Variants in BICD1 observed in about 807,000 individuals in gnomAD.
The protein encoded by BICD1 is BICD cargo adaptor 1, also known as protein bicaudal D homolog 1.
Under a neutral mutation model 92.5 loss-of-function variants are expected in BICD1, and 35 were observed. The ratio of observed to expected loss-of-function variants is 0.38; its 90% CI spans 0.29 to 0.50. The LOEUF is 0.50. Ranked by LOEUF, BICD1 falls within the 20% of genes least tolerant of loss-of-function variation. The pLI, the probability that BICD1 is intolerant of heterozygous loss-of-function variation, is 0.93. For missense variants in BICD1, 950 were observed against 1,189.8 expected, an observed-to-expected ratio of 0.80 and a Z score of 2.97; for synonymous variants, 429 against 465.1, an observed-to-expected ratio of 0.92 and a Z score of 1.00.
At chr12:32,209,780 A>C (rs1338539026) in intron 1 of BICD1, among the ~76,000 whole-genome samples, 1 of 152,132 alleles carries the variant, frequency 6.6e-6, no homozygotes, top group Non-Finnish European at 1.5e-5. Flanking sequence ...CCCAAAGGTC[A>C]CCTCTTCCCT....
chr12:32,358,393 G>A (rs1438693793), intron 8 of BICD1, among the ~76,000 whole-genome samples: 4 of 151,180 alleles, frequency 2.6e-5, no homozygotes, highest in African/African-American at 9.7e-5. Flanking sequence ...GAGCCACTGC[G>A]CCTGGACTCA....
In BICD1 at chr12:32,129,051, C is replaced by T. The variant is rs1309607755; in HGVS notation, c.213+21507C>T. Among the ~76,000 whole-genome samples, 3 of 151,984 alleles carry T rather than the reference C, an allele frequency of 2.0e-5. No homozygotes were observed. The South Asian group carries it at 6.2e-4, about 32-fold the overall frequency. ...CTGCCTCCCAGATTCAAGAGATTCTCCTGCCTCAGCCTCCCGAGTAGCTGG... is the reference window on the plus strand; with the variant it reads ...CTGCCTCCCAGATTCAAGAGATTCTTCTGCCTCAGCCTCCCGAGTAGCTGG... On this transcript the variant is annotated intron_variant, in intron 1 of 9. Coordinates refer to ENST00000652176, the MANE Select transcript of BICD1 (RefSeq NM_001714.4).
intron 2 of BICD1, among the ~76,000 whole-genome samples, chr12:32,289,562 T>C (rs1045740439): frequency 3.9e-5 from 6 of 152,176 alleles, no homozygotes; most frequent in African/African-American, 1.2e-4. Flanking sequence ...ATTTTTGTAT[T>C]CTTAGTAGAG....
intron 2 of BICD1, among the ~76,000 whole-genome samples, chr12:32,284,081 G>T (rs1238806137): frequency 1.3e-5 from 2 of 152,234 alleles, no homozygotes; most frequent in Non-Finnish European, 2.9e-5. Flanking sequence ...AATCCCTGTG[G>T]GGTGGGGGGC....
At chr12:32,289,139 G>T (rs1947657996) in intron 2 of BICD1, among the ~76,000 whole-genome samples, 1 of 152,108 alleles carries the variant, frequency 6.6e-6, no homozygotes, top group African/African-American at 2.4e-5. Context: ...AAGATTGAGG[G>T]GCAGAGTGGT....
At chr12:32,259,092 G>A (rs754124896) in intron 2 of BICD1, among the ~76,000 whole-genome samples, 2 of 152,082 alleles carry the variant, frequency 1.3e-5, no homozygotes, top group African/African-American at 2.4e-5. Context: ...TTATGTGGGC[G>A]TAAGAGAGGG....
chr12:32,142,962 C>T (rs1048078340), intron 1 of BICD1, among the ~76,000 whole-genome samples: 2 of 152,156 alleles, frequency 1.3e-5, no homozygotes, highest in Non-Finnish European at 2.9e-5. Context: ...TGCTACAAGC[C>T]GTTAAATAGT....
At position 32,334,440 on chromosome 12, in the gene BICD1, AG is replaced by A. The variant is rs1485803087; in HGVS notation, c.2101-74del. The A allele has an allele frequency of 2.1e-5, 29 of 1,386,590 alleles. No individual in the cohort carries two copies. The East Asian group carries it at 5.9e-4, about 28-fold the overall frequency. The allele number at this position is 1,386,590 out of a possible 1,614,324, so 85.9% of individuals were successfully genotyped here. On this transcript the variant is annotated intron_variant, in intron 5 of 9. Coordinates refer to ENST00000652176, the MANE Select transcript of BICD1 (RefSeq NM_001714.4). ...CTTTCCTTTTATAAAAGAACATAATAGGCACAGCATGAAGCAATCTGTATGA... is the reference window on the plus strand; with the variant it reads ...CTTTCCTTTTATAAAAGAACATAATAGCACAGCATGAAGCAATCTGTATGA...
At chr12:32,173,836 C>A (rs943746134) in intron 1 of BICD1, among the ~76,000 whole-genome samples, 20 of 152,144 alleles carry the variant, frequency 1.3e-4, no homozygotes, top group African/African-American at 4.6e-4. Flanking sequence ...ATTCAGTCAA[C>A]ATTTTTTGGA....
At chr12:32,256,148 G>A (rs1409429687) in intron 2 of BICD1, among the ~76,000 whole-genome samples, 2 of 152,166 alleles carry the variant, frequency 1.3e-5, no homozygotes, top group African/African-American at 2.4e-5. Flanking sequence ...GACCCCCTGG[G>A]CTCAAGCAAT....
intron 2 of BICD1, among the ~76,000 whole-genome samples, chr12:32,243,264 A>ATTTTTTTTTTTTTTTTTTTTTT (rs71068310): frequency 1.2e-4 from 9 of 74,032 alleles, no homozygotes; most frequent in African/African-American, 1.8e-4. Flanking sequence ...TGCCTGGCTA[A>ATTTTTTTTTTTTTTTTTTTTTT]TTTTTTTTTT....
intron 5 of BICD1, among the ~76,000 whole-genome samples, chr12:32,329,147 C>T (rs996854748): frequency 6.6e-6 from 1 of 151,896 alleles, no homozygotes; most frequent in Non-Finnish European, 1.5e-5. Context: ...CTCTGTTGTC[C>T]AGGCTGGAGT....
At chr12:32,278,296 C>T (rs185384571) in intron 2 of BICD1, among the ~76,000 whole-genome samples, 7 of 152,228 alleles carry the variant, frequency 4.6e-5, no homozygotes, top group Non-Finnish European at 8.8e-5. Context: ...AAGATATTAT[C>T]ATAGAAGAAA....
chr12:32,246,366 G>T (rs752783237), intron 2 of BICD1, among the ~76,000 whole-genome samples: 1 of 151,594 alleles, frequency 6.6e-6, no homozygotes, highest in Admixed American at 6.6e-5. Context: ...GGCCAGGCAC[G>T]GTGGCTCACA....
At chr12:32,346,234 A>G (rs1014155253) in intron 8 of BICD1, among the ~76,000 whole-genome samples, 1 of 151,808 alleles carries the variant, frequency 6.6e-6, no homozygotes, top group Non-Finnish European at 1.5e-5. Flanking sequence ...GATCATTTCA[A>G]CATGGAATTC....
Position 32,350,209 on chromosome 12 carries a change from G to A in BICD1, c.2764+11230G>A, listed in dbSNP as rs551369437. 6.6e-5 allele frequency among the ~76,000 whole-genome samples: 10 copies of A among 152,254 alleles called. No homozygotes were observed. In the East Asian group the frequency reaches 9.7e-4, roughly 15 times the overall value. ...TTTTAAATGATGTAGTGAGCCAGGC[G>A]TGGTGGCTCATGCCTGTAATCCCCG... On this transcript the variant is annotated intron_variant, in intron 8 of 9. Transcript: ENST00000652176.
intron 1 of BICD1, among the ~76,000 whole-genome samples, chr12:32,145,553 T>C (rs972065929): frequency 5.9e-5 from 9 of 152,208 alleles, no homozygotes; most frequent in African/African-American, 2.2e-4. Flanking sequence ...AATTACAATA[T>C]GTTACTATTA....
Position 32,225,798 on chromosome 12 carries a change from T to A in BICD1, c.426+9339T>A, listed in dbSNP as rs548521632. Among the ~76,000 whole-genome samples the A allele has an allele frequency of 3.3e-5, 5 of 151,928 alleles. No individual in the cohort carries two copies. In the South Asian group the frequency reaches 1.0e-3, roughly 32 times the overall value. On this transcript the variant is annotated intron_variant, in intron 2 of 9. Coordinates refer to ENST00000652176, the MANE Select transcript of BICD1 (RefSeq NM_001714.4). ...ACCACACCCGGCTAATTTTTTGTAT[T>A]TTTAGTAGAGACGAGGTTTCGCCAT...
intron 1 of BICD1, among the ~76,000 whole-genome samples, chr12:32,204,843 G>A (rs1257628894): frequency 1.3e-5 from 2 of 152,294 alleles, no homozygotes; most frequent in East Asian, 1.9e-4. Flanking sequence ...TCTGTTGAAC[G>A]CAGTGTGAAT....
Sources: allele counts gnomAD v4.1 joint callset (sites outside exome capture counted in the v4.1 genomes callset), GRCh38; gene constraint gnomAD v4.1.1; transcripts MANE v1.5; gene names NCBI Gene and HGNC (gene_info 2026-07-23, HGNC 2026-07-21).